Variants in ZCCHC4 observed in about 807,000 individuals in gnomAD.
The protein encoded by ZCCHC4 is zinc finger CCHC-type containing 4.
In ZCCHC4, 54 loss-of-function variants were observed where a neutral mutation model predicts 67.7. The observed-to-expected ratio is 0.80, with a 90% confidence interval of 0.64 to 1.00. The LOEUF (loss-of-function observed/expected upper bound fraction) is 1.00, where lower values mean the gene tolerates loss of function less well. ZCCHC4 is among the 50% of genes least tolerant of loss of function. The probability of loss-of-function intolerance (pLI) is 0.00; values close to 1 mark genes in which losing one functional copy is unlikely to be tolerated. For missense variants in ZCCHC4, 609 were observed against 617.0 expected, an observed-to-expected ratio of 0.99 and a Z score of 0.14; for synonymous variants, 198 against 213.5, an observed-to-expected ratio of 0.93 and a Z score of 0.63.
chr4:25,367,100 C>T (rs1720982078), intron 12 of ZCCHC4, among the ~76,000 whole-genome samples: 1 of 152,008 alleles, frequency 6.6e-6, no homozygotes, highest in South Asian at 2.1e-4. Context: ...TTTTAGCATA[C>T]GTGACATAAA....
Position 25,315,414 on chromosome 4 carries a change from G to A in ZCCHC4, c.329+14G>A. ...GTGTGTGGAAAGGTACTGATGCAGT[G>A]TCATTTTTCTTTATTAGTTTAGCTG... is the stretch of plus-strand genomic sequence containing the variant. On this transcript the variant is annotated intron_variant, in intron 3 of 12. Transcript: ENST00000302874. The A allele has an allele frequency of 1.3e-6, 2 of 1,564,600 alleles. No individual in the cohort carries two copies. The highest frequency in any genetic ancestry group is 1.7e-6 in the Non-Finnish European group (2 of 1,156,934).
intron 3 of ZCCHC4, among the ~76,000 whole-genome samples, chr4:25,326,356 T>A (rs6832360): frequency 6.6e-6 from 1 of 152,068 alleles, no homozygotes; most frequent in South Asian, 2.1e-4. Flanking sequence ...GATAACCTCC[T>A]CATCTTAAGA....
chr4:25,313,011 C>A, intron 1 of ZCCHC4, 75 bp downstream of exon 1: 1 of 1,564,638 alleles, frequency 6.4e-7, no homozygotes, highest in South Asian at 1.1e-5. Flanking sequence ...GCTTTTGGGG[C>A]TCCTGTATTT....
intron 8 of ZCCHC4, among the ~76,000 whole-genome samples, chr4:25,355,288 A>G (rs1204987678): frequency 6.6e-6 from 1 of 152,226 alleles, no homozygotes; most frequent in African/African-American, 2.4e-5. Context: ...TTCCTTACCT[A>G]TAAAATAAAA....
At chr4:25,361,101 G>A (rs1021715879) in intron 8 of ZCCHC4, among the ~76,000 whole-genome samples, 9 of 152,212 alleles carry the variant, frequency 5.9e-5, no homozygotes, top group African/African-American at 2.2e-4. Context: ...CCCTATAGGA[G>A]GAAGGATGAC....
chr4:25,321,699 G>A (rs1299355133), intron 3 of ZCCHC4, among the ~76,000 whole-genome samples: 1 of 151,974 alleles, frequency 6.6e-6, no homozygotes, highest in Non-Finnish European at 1.5e-5. Context: ...TATTTTTAGA[G>A]ATGGGGGTTC....
At chr4:25,358,607 A>G (rs766847110) in intron 8 of ZCCHC4, among the ~76,000 whole-genome samples, 9 of 152,252 alleles carry the variant, frequency 5.9e-5, no homozygotes, top group Non-Finnish European at 1.0e-4. Context: ...CTTGCTCTTA[A>G]GAATTTCTTG....
chr4:25,314,295 ATGTT>A (rs1470852181), intron 2 of ZCCHC4, 131 bp downstream of exon 2: 14 of 604,154 alleles, frequency 2.3e-5, no homozygotes, highest in Admixed American at 2.1e-4. Context: ...TGGAGATACT[ATGTT>A]TGTTGGTTCA....
rs201086181 is a variant in ZCCHC4 at position 25,351,704 on chromosome 4, C to T, written c.1011+15C>T. The T allele has an allele frequency of 8.9e-6, 14 of 1,579,318 alleles. No homozygotes were observed. Among genetic ancestry groups the T allele is most frequent in the Admixed American group, 8.7e-5 (5 of 57,396 alleles). On this transcript the variant is annotated intron_variant, in intron 8 of 12. Transcript: ENST00000302874. ...TGGATTACCAGGTAGAGTACATATT[C>T]TGTTTTCTGGCATGGTTGGGGAATG...
rs796992310 is a variant in ZCCHC4 at position 25,359,359 on chromosome 4, G to T, written c.1012-2500G>T. Among the ~76,000 whole-genome samples the T allele has an allele frequency of 2.6e-5, 4 of 152,298 alleles. No individual in the cohort carries two copies. The highest frequency in any genetic ancestry group is 9.6e-5 in the African/African-American group (4 of 41,574). ...CCTGGAGGCCTGGCTACACAGCTCAGAAAAAGAGTTAGAAGCTGCCATGAA... is the reference window on the plus strand; with the variant it reads ...CCTGGAGGCCTGGCTACACAGCTCATAAAAAGAGTTAGAAGCTGCCATGAA... On this transcript the variant is annotated intron_variant, in intron 8 of 12. Transcript: ENST00000302874. This position sits in a 1 kb window ranked among gnomAD's most constrained non-coding sequence, Gnocchi z 4.9.
At chr4:25,320,212 T>TAA (rs1718505041) in intron 3 of ZCCHC4, among the ~76,000 whole-genome samples, 1 of 152,210 alleles carries the variant, frequency 6.6e-6, no homozygotes, top group Non-Finnish European at 1.5e-5. Flanking sequence ...AGCTGCCTGT[T>TAA]ACGCTCTGAA....
At chr4:25,354,863 C>T (rs1402032252) in intron 8 of ZCCHC4, among the ~76,000 whole-genome samples, 1 of 150,240 alleles carries the variant, frequency 6.7e-6, no homozygotes, top group African/African-American at 2.4e-5. Flanking sequence ...ACTTTGAGTC[C>T]CCTCTCCTTC....
Position 25,318,349 on chromosome 4 carries a change from C to CTTTT in ZCCHC4, c.329+2970_329+2973dup, listed in dbSNP as rs528144406. Among the ~76,000 whole-genome samples, 305 of 45,518 alleles carry CTTTT rather than the reference C, an allele frequency of 6.7e-3. 2 individuals are homozygous for CTTTT. The highest frequency in any genetic ancestry group is 0.012 in the African/African-American group (121 of 9,950). The allele number at this position is 45,518 out of a possible 152,430, so 29.9% of individuals were successfully genotyped here. A position where few individuals can be genotyped will look rare whatever the true frequency, so the allele number is the denominator to read the frequency against. On this transcript the variant is annotated intron_variant, in intron 3 of 12. Transcript: ENST00000302874. ...TTCTTTTTTTTTTTTCACTCTCTCT[C>CTTTT]TTTTTTTTTTTTTTTTTTTTTTTTG...
chr4:25,347,517 A>C (rs534466525), intron 6 of ZCCHC4, among the ~76,000 whole-genome samples: 1 of 152,346 alleles, frequency 6.6e-6, no homozygotes, highest in African/African-American at 2.4e-5. Context: ...CTGCAGCTGT[A>C]GAGATTGATC....
chr4:25,365,518 T>C, intron 12 of ZCCHC4: 1 of 1,018,518 alleles, frequency 9.8e-7, no homozygotes, highest in Non-Finnish European at 1.2e-6. Flanking sequence ...GAGGGACAGA[T>C]CAGATATAGA....
At chr4:25,362,748 A>G (rs1720798359) in intron 10 of ZCCHC4, among the ~76,000 whole-genome samples, 1 of 152,210 alleles carries the variant, frequency 6.6e-6, no homozygotes, top group Admixed American at 6.5e-5. Context: ...TCCTCACAAC[A>G]GCCTTATTAG....
At chr4:25,317,770 C>A (rs984411901) in intron 3 of ZCCHC4, among the ~76,000 whole-genome samples, 1 of 145,698 alleles carries the variant, frequency 6.9e-6, no homozygotes, top group Non-Finnish European at 1.5e-5. Context: ...AGGCACTGTG[C>A]TAGGTGTTTT....
chr4:25,318,349 C>CTTTTTTTTTTTTTTTTTTTTTTTTTTT (rs528144406), intron 3 of ZCCHC4, among the ~76,000 whole-genome samples: 2 of 45,508 alleles, frequency 4.4e-5, no homozygotes, highest in African/African-American at 1.0e-4. Flanking sequence ...CACTCTCTCT[C>CTTTTTTTTTTTTTTTTTTTTTTTTTTT]TTTTTTTTTT....
chr4:25,314,378 T>G (rs890461216), intron 2 of ZCCHC4, among the ~76,000 whole-genome samples: 4 of 152,236 alleles, frequency 2.6e-5, no homozygotes, highest in African/African-American at 9.6e-5. Context: ...TATTTCCCCA[T>G]AAGACTCTCT....
Sources: allele counts gnomAD v4.1 joint callset (sites outside exome capture counted in the v4.1 genomes callset), GRCh38; gene constraint gnomAD v4.1.1; non-coding constraint Gnocchi (gnomAD v3.1); transcripts MANE v1.5; gene names NCBI Gene and HGNC (gene_info 2026-07-23, HGNC 2026-07-21).